The following TVP23B variants were observed in gnomAD, a reference collection of about 807,000 sequenced individuals.
TVP23B encodes trans-golgi network vesicle protein 23 homolog B.
In TVP23B, 10 loss-of-function variants were observed where a neutral mutation model predicts 30.6. The ratio of observed to expected loss-of-function variants is 0.33; its 90% confidence interval spans 0.20 to 0.55. The LOEUF (loss-of-function observed/expected upper bound fraction) is 0.55. TVP23B is among the 20% of genes least tolerant of loss of function. TVP23B has a pLI of 0.91. For missense variants in TVP23B, 153 were observed against 243.2 expected (o/e 0.63, Z 2.47); for synonymous variants, 67 against 83.1 (o/e 0.81, Z 1.06).
intron 3 of TVP23B, chr17:18,795,991 C>G (rs2036070830): frequency 6.7e-6 from 1 of 148,560 alleles, no homozygotes; most frequent in South Asian, 2.1e-4. Flanking sequence ...GAATGTATCC[C>G]CTGCAGATAA....
chr17:18,791,187 G>GTTTTTTTTTTTTTTTTT (rs762889436), intron 3 of TVP23B, 147 bp downstream of exon 3: 7 of 109,206 alleles, frequency 6.4e-5, no homozygotes, highest in Admixed American at 2.0e-4. Flanking sequence ...ATTGCATGTA[G>GTTTTTTTTTTTTTTTTT]TTTTTTTTTT....
chr17:18,783,409 G>T (rs1392027686), intron 1 of TVP23B, among the ~76,000 whole-genome samples: 1 of 152,096 alleles, frequency 6.6e-6, no homozygotes, highest in Non-Finnish European at 1.5e-5. Context: ...CCCGGCCGAC[G>T]GTTCCCACTT....
chr17:18,800,637 T>G (rs969270718), intron 5 of TVP23B, among the ~76,000 whole-genome samples: 1 of 151,986 alleles, frequency 6.6e-6, no homozygotes, highest in African/African-American at 2.4e-5. Flanking sequence ...TAAGGTGTTT[T>G]TTTTTTTAGT....
At chr17:18,795,385 T>A (rs1232597905) in intron 3 of TVP23B, among the ~76,000 whole-genome samples, 1 of 152,174 alleles carries the variant, frequency 6.6e-6, no homozygotes, top group African/African-American at 2.4e-5. Context: ...ACTATTTTTT[T>A]ACTTGAGCAA....
At chr17:18,797,382 T>C in intron 3 of TVP23B, 197 bp from the exon 4 acceptor site, 4 of 840,502 alleles carry the variant, frequency 4.8e-6, no homozygotes, top group Non-Finnish European at 7.2e-6. Flanking sequence ...CTGTCACCTC[T>C]ACCCCTATTA....
At chr17:18,803,898 T>C (rs1567638399) in intron 5 of TVP23B, among the ~76,000 whole-genome samples, 3 of 152,054 alleles carry the variant, frequency 2.0e-5, no homozygotes, top group South Asian at 4.1e-4. Context: ...GCCTGGCACA[T>C]AAGAGCAGTT....
intron 3 of TVP23B, chr17:18,797,378 C>T: frequency 9.0e-6 from 7 of 780,668 alleles, no homozygotes; most frequent in African/African-American, 1.8e-5. Context: ...TGCTCTGTCA[C>T]CTCTACCCCT....
chr17:18,783,690 A>G (rs1204881541), intron 1 of TVP23B, among the ~76,000 whole-genome samples: 2 of 152,202 alleles, frequency 1.3e-5, no homozygotes, highest in African/African-American at 4.8e-5. Flanking sequence ...TTAGTGCTCC[A>G]TTCTTAGGTC....
At chr17:18,795,642 T>A (rs1186511311) in intron 3 of TVP23B, among the ~76,000 whole-genome samples, 1 of 152,198 alleles carries the variant, frequency 6.6e-6, no homozygotes, top group Non-Finnish European at 1.5e-5. Flanking sequence ...GGAAGTCACT[T>A]ATATTGAAAT....
chr17:18,794,069 A>G (rs1388382470), intron 3 of TVP23B, among the ~76,000 whole-genome samples: 2 of 152,100 alleles, frequency 1.3e-5, no homozygotes, highest in South Asian at 2.1e-4. Context: ...ATATCAAACT[A>G]TGTATAGTAA....
intron 5 of TVP23B, among the ~76,000 whole-genome samples, chr17:18,801,974 C>T: frequency 6.6e-6 from 1 of 152,072 alleles, no homozygotes; most frequent in Non-Finnish European, 1.5e-5. Flanking sequence ...GTAATCCCAG[C>T]ACTTTGGGAG....
intron 1 of TVP23B, chr17:18,782,504 CAAACA>C (rs1257540655): frequency 2.0e-5 from 3 of 150,800 alleles, no homozygotes; most frequent in Non-Finnish European, 3.0e-5. Context: ...GACTCCGTCT[CAAACA>C]AAACAAAAAA....
chr17:18,787,660 G>A (rs979300241), intron 1 of TVP23B, among the ~76,000 whole-genome samples: 1 of 152,214 alleles, frequency 6.6e-6, no homozygotes, highest in Admixed American at 6.5e-5. Context: ...GAGACAACAT[G>A]TGAAAGGCAG....
At chr17:18,791,186 AGTTTT>A in intron 3 of TVP23B, 146 bp downstream of exon 3, 7 of 114,548 alleles carry the variant, frequency 6.1e-5, no homozygotes, top group Non-Finnish European at 8.4e-5. Flanking sequence ...AATTGCATGT[AGTTTT>A]TTTTTTTTTT....
chr17:18,789,217 T>C, intron 1 of TVP23B, 136 bp from the exon 2 acceptor site: 1 of 1,365,250 alleles, frequency 7.3e-7, no homozygotes, highest in Admixed American at 2.3e-5. Context: ...TGTGTCCTTT[T>C]CCTAGGTTTT....
chr17:18,799,642 T>C (rs1597622669), intron 5 of TVP23B, among the ~76,000 whole-genome samples: 1 of 152,334 alleles, frequency 6.6e-6, no homozygotes, highest in African/African-American at 2.4e-5. Context: ...AGAGGAGATA[T>C]TGTTGCTGCT....
chr17:18,789,732 C>A (rs1374519983), intron 2 of TVP23B: 1 of 281,290 alleles, frequency 3.6e-6, no homozygotes, highest in Non-Finnish European at 6.7e-6. Context: ...TCTATAGATA[C>A]ATTACATTTT....
intron 1 of TVP23B, among the ~76,000 whole-genome samples, chr17:18,788,196 T>G (rs2035937040): frequency 6.6e-6 from 1 of 151,744 alleles, no homozygotes; most frequent in Admixed American, 6.6e-5. Flanking sequence ...CCAGGCATGG[T>G]GGCACGCGCC....
chr17:18,786,029 A>C (rs1192922858), intron 1 of TVP23B, among the ~76,000 whole-genome samples: 1 of 152,046 alleles, frequency 6.6e-6, no homozygotes, highest in Non-Finnish European at 1.5e-5. Context: ...GCAGCTTCTA[A>C]ACACCTGGGA....
Sources: allele counts gnomAD v4.1 joint callset (sites outside exome capture counted in the v4.1 genomes callset), GRCh38; gene constraint gnomAD v4.1.1; transcripts MANE v1.5; gene names NCBI Gene and HGNC (gene_info 2026-07-23, HGNC 2026-07-21).